Variants in ANXA4 observed in about 807,000 individuals in gnomAD.
The protein encoded by ANXA4 is annexin A4, also known as 35-beta calcimedin.
A neutral mutation model predicts 49.8 loss-of-function variants in ANXA4; 39 were observed. The observed-to-expected ratio is 0.78, with a 90% CI of 0.61 to 1.02. The LOEUF is 1.02. ANXA4 is among the 50% of genes least tolerant of loss of function. The probability of loss-of-function intolerance (pLI) is 0.00; values close to 1 mark genes in which losing one functional copy is unlikely to be tolerated. For synonymous variants in ANXA4, 134 were observed against 152.5 expected, an observed-to-expected ratio of 0.88 and a Z score of 0.89; for missense variants, 360 against 410.1, an observed-to-expected ratio of 0.88 and a Z score of 1.05.
chr2:69,773,021 AAAG>A (rs869120355), intron 1 of ANXA4, among the ~76,000 whole-genome samples: 2 of 133,666 alleles, frequency 1.5e-5, no homozygotes, highest in Admixed American at 1.0e-4. Flanking sequence ...CTCAAAAAAA[AAAG>A]AAAGAAAGAA....
intron 2 of ANXA4, among the ~76,000 whole-genome samples, chr2:69,717,394 G>A (rs1264495144): frequency 2.0e-5 from 3 of 151,962 alleles, no homozygotes; most frequent in East Asian, 1.9e-4. Flanking sequence ...CCATCCTGGC[G>A]CCCACCCTTT....
chr2:69,692,310 A>G (rs1212064220), intron 2 of ANXA4, among the ~76,000 whole-genome samples: 6 of 152,258 alleles, frequency 3.9e-5, no homozygotes, highest in South Asian at 2.1e-4. Flanking sequence ...GCAATTTACC[A>G]TGACATTTAT....
At chr2:69,749,763 T>TAA (rs765400597) in intron 1 of ANXA4, among the ~76,000 whole-genome samples, 4 of 139,930 alleles carry the variant, frequency 2.9e-5, no homozygotes, top group African/African-American at 1.0e-4. Flanking sequence ...CGTCTCTTAC[T>TAA]AAAAAAAAAA....
At chr2:69,818,517 G>A (rs1359231739) in intron 9 of ANXA4, 82 bp from the exon 10 acceptor site, 1 of 876,564 alleles carries the variant, frequency 1.1e-6, no homozygotes, top group Non-Finnish European at 1.8e-6. Context: ...GTGTAGGCTA[G>A]TTAAAAATGC....
intron 6 of ANXA4, chr2:69,808,606 C>T (rs960133231): frequency 6.5e-6 from 1 of 152,746 alleles, no homozygotes; most frequent in Non-Finnish European, 1.5e-5. Context: ...TATACACTTA[C>T]ACAATGAACT....
At chr2:69,690,807 C>CA (rs745496394) in intron 2 of ANXA4, among the ~76,000 whole-genome samples, 47 of 152,298 alleles carry the variant, frequency 3.1e-4, no homozygotes, top group Non-Finnish European at 5.4e-4. Context: ...GCCTTGATCT[C>CA]AAACTCCACA....
chr2:69,736,959 G>A (rs1670260798), intron 3 of ANXA4, among the ~76,000 whole-genome samples: 4 of 150,346 alleles, frequency 2.7e-5, no homozygotes, highest in Admixed American at 2.0e-4. Context: ...CCACCACCAC[G>A]CTTGGCTAAT....
chr2:69,711,644 G>A (rs1293186275), intron 2 of ANXA4, among the ~76,000 whole-genome samples: 1 of 152,194 alleles, frequency 6.6e-6, no homozygotes, highest in Non-Finnish European at 1.5e-5. Context: ...CTTAAGATGA[G>A]TGAGTTTGTA....
intron 2 of ANXA4, among the ~76,000 whole-genome samples, chr2:69,671,804 A>G (rs1677202822): frequency 6.6e-6 from 1 of 152,220 alleles, no homozygotes; most frequent in Non-Finnish European, 1.5e-5. Flanking sequence ...AGTCAGGGAA[A>G]TGCAACACCA....
intron 8 of ANXA4, 106 bp downstream of exon 8, chr2:69,812,815 C>G: frequency 1.0e-6 from 1 of 961,352 alleles, no homozygotes. Context: ...ATTAGCCAGG[C>G]TTGGATATGT....
chr2:69,733,378 A>T lies in ANXA4; in HGVS notation n.864+12507A>T, dbSNP rs370245711. Among the ~76,000 whole-genome samples, 89 of 152,258 alleles carry T rather than the reference A, an allele frequency of 5.8e-4. 3 individuals are homozygous for T. In the South Asian group the frequency reaches 0.018, roughly 30 times the overall value. On this transcript the variant is annotated intron_variant and non_coding_transcript_variant, in intron 3 of 3. Coordinates refer to the ANXA4 transcript ENST00000418066. ...CAACACTTTGGGAGACTGAGGCTGG[A>T]GGATCACCTGAGCCCAGGAGTTTGA...
chr2:69,808,217 C>T (rs980155374), intron 6 of ANXA4: 2 of 513,272 alleles, frequency 3.9e-6, no homozygotes, highest in Admixed American at 6.7e-5. Flanking sequence ...TTTTGCCTAC[C>T]CAGTGCAGTA....
In ANXA4 at chr2:69,648,879, C is replaced by CTTTTTT. The variant is rs201603508; in HGVS notation, n.481+3977_481+3978insTTTTTT. Among the ~76,000 whole-genome samples, 131 of 113,464 alleles carry CTTTTTT rather than the reference C, an allele frequency of 1.2e-3. 4 individuals are homozygous for CTTTTTT. The highest frequency in any genetic ancestry group is 0.011 in the East Asian group (31 of 2,800). The allele number at this position is 113,464 out of a possible 152,430, so 74.4% of individuals were successfully genotyped here. ...ATTTTTTTAATTTTTAATTTTCTTT[C>CTTTTTT]TTTCTTTTCTTTTTTTTTTTTTTTG... is the stretch of plus-strand genomic sequence containing the variant. On this transcript the variant is annotated intron_variant and non_coding_transcript_variant, in intron 1 of 3. Coordinates refer to the ANXA4 transcript ENST00000418066.
rs573713252 is a variant in ANXA4, at chr2:69,652,635, G to C, written n.482-363G>C. 2.0e-5 allele frequency among the ~76,000 whole-genome samples: 3 copies of C among 152,246 alleles called. No individual in the cohort carries two copies. The South Asian group carries it at 6.2e-4, about 32-fold the overall frequency. On this transcript the variant is annotated intron_variant and non_coding_transcript_variant, in intron 1 of 3. Transcript: ENST00000418066. ...GCACTTTGGGAGGCTGAGGCAGGCA[G>C]ATCACGTGAGGTCAGGCTTTCGAGA...
chr2:69,689,481 C>T (rs565468019), intron 2 of ANXA4, among the ~76,000 whole-genome samples: 4 of 152,210 alleles, frequency 2.6e-5, no homozygotes, highest in Admixed American at 2.6e-4. Context: ...TCCCAATTCT[C>T]AAAGACATCA....
chr2:69,791,343 G>A (rs761567337), intron 3 of ANXA4, among the ~76,000 whole-genome samples: 41 of 152,082 alleles, frequency 2.7e-4, no homozygotes, highest in Non-Finnish European at 4.6e-4. Flanking sequence ...TCAAAGCCTT[G>A]GTAAAACAAC....
chr2:69,817,663 A>G (rs1439302823), intron 9 of ANXA4: 1 of 152,234 alleles, frequency 6.6e-6, no homozygotes, highest in Non-Finnish European at 1.5e-5. Context: ...TGGGGGTCTC[A>G]GTAGAAGGGA....
intron 1 of ANXA4, among the ~76,000 whole-genome samples, chr2:69,744,792 C>G (rs1363098320): frequency 6.6e-6 from 1 of 152,364 alleles, no homozygotes; most frequent in East Asian, 1.9e-4. Flanking sequence ...TTCTCTTATC[C>G]TCTCTGCCCT....
chr2:69,747,201 G>A (rs887344529), intron 1 of ANXA4, among the ~76,000 whole-genome samples: 17 of 151,948 alleles, frequency 1.1e-4, no homozygotes, highest in Non-Finnish European at 8.8e-5. Context: ...CTGGGTTTAG[G>A]CACTCACCTC....
Sources: gnomAD v4.1 joint callset for allele counts (sites outside exome capture counted in the v4.1 genomes callset) on GRCh38, gnomAD v4.1.1 for gene constraint, MANE v1.5 for transcripts, NCBI Gene and HGNC (gene_info 2026-07-23, HGNC 2026-07-21) for gene names.